The following PICALM variants were observed in gnomAD, a reference collection of about 807,000 sequenced individuals.
PICALM encodes phosphatidylinositol binding clathrin assembly protein, also known as phosphatidylinositol-binding clathrin assembly protein.
A neutral mutation model predicts 80.5 loss-of-function variants in PICALM; 40 were observed. The ratio of observed to expected loss-of-function variants is 0.50; its 90% CI spans 0.39 to 0.65. The LOEUF is 0.65. Ranked by LOEUF, PICALM falls within the 30% of genes least tolerant of loss-of-function variation. The pLI, the probability that PICALM is intolerant of heterozygous loss-of-function variation, is 0.00. For missense variants in PICALM, 676 were observed against 778.9 expected, an observed-to-expected ratio of 0.87 and a Z score of 1.57; for synonymous variants, 288 against 260.3, an observed-to-expected ratio of 1.11 and a Z score of -1.02.
chr11:86,039,804 C>A (rs777866412), intron 1 of PICALM, among the ~76,000 whole-genome samples: 1 of 151,808 alleles, frequency 6.6e-6, no homozygotes, highest in Non-Finnish European at 1.5e-5. Context: ...GAGAGCGAGA[C>A]CATCCTGGCT....
chr11:86,037,651 A>G (rs1171315880), intron 1 of PICALM, among the ~76,000 whole-genome samples: 1 of 151,676 alleles, frequency 6.6e-6, no homozygotes, highest in African/African-American at 2.4e-5. Flanking sequence ...GTGAACTGTG[A>G]TCACGACATT....
At chr11:86,000,506 T>C (rs748971055) in intron 11 of PICALM, 137 bp downstream of exon 11, 3 of 608,908 alleles carry the variant, frequency 4.9e-6, no homozygotes, top group Non-Finnish European at 8.5e-6. Context: ...TATACCAATA[T>C]CACCATTTAT....
Position 85,981,885 on chromosome 11 carries a change from G to A in PICALM, c.1635C>T (p.Ala545=). The A allele has an allele frequency of 1.2e-6, 2 of 1,613,754 alleles. No homozygotes were observed. Among genetic ancestry groups the A allele is most frequent in the Non-Finnish European group, 1.7e-6 (2 of 1,179,668 alleles). The change falls in exon 15 of 20, where the codon GCC becomes GCT. Residue 545 remains alanine (A), a synonymous_variant. Transcript: ENST00000393346. ...AAGACTACTTACTGCCCACAAGGTT[G>A]GCTAAAGATGAATCCAAGTCATCAG... is the stretch of plus-strand genomic sequence containing the variant. ...LVSDDLDSSL[A]NLVGNLGIGN...
At chr11:85,968,278 G>A (rs2093974726) in intron 19 of PICALM, among the ~76,000 whole-genome samples, 1 of 138,188 alleles carries the variant, frequency 7.2e-6, no homozygotes, top group Non-Finnish European at 1.6e-5. Flanking sequence ...GGGACAGAGT[G>A]AGACCCTGTC....
At chr11:86,010,880 A>G (rs570585774) in intron 7 of PICALM, 150 bp downstream of exon 7, 3 of 580,354 alleles carry the variant, frequency 5.2e-6, no homozygotes, top group African/African-American at 2.0e-5. Context: ...TATCATATTC[A>G]TATCTTGCCA....
intron 14 of PICALM, 74 bp downstream of exon 14, chr11:85,983,792 G>T: frequency 1.6e-6 from 1 of 639,812 alleles, no homozygotes; most frequent in Non-Finnish European, 2.7e-6. Flanking sequence ...CATTTTAAAA[G>T]CAGCATTATT....
At chr11:86,018,599 T>C (rs1054256722) in intron 4 of PICALM, among the ~76,000 whole-genome samples, 1 of 152,096 alleles carries the variant, frequency 6.6e-6, no homozygotes, top group African/African-American at 2.4e-5. Flanking sequence ...AAGAATGAGA[T>C]GGATTGAGGC....
intron 5 of PICALM, among the ~76,000 whole-genome samples, chr11:86,014,658 T>C (rs1407757665): frequency 1.3e-5 from 2 of 152,164 alleles, no homozygotes; most frequent in Non-Finnish European, 2.9e-5. Flanking sequence ...ATCTTAAAAT[T>C]CTAGAGCTAG....
At chr11:85,966,221 C>G (rs1013224619) in intron 19 of PICALM, among the ~76,000 whole-genome samples, 8 of 150,520 alleles carry the variant, frequency 5.3e-5, no homozygotes, top group East Asian at 4.0e-4. Context: ...TTTTTCCCCC[C>G]CCAAAGACAG....
chr11:85,992,904 C>A (rs1034654506), intron 12 of PICALM, among the ~76,000 whole-genome samples: 2 of 152,094 alleles, frequency 1.3e-5, no homozygotes, highest in African/African-American at 4.8e-5. Context: ...ATAATTAGAT[C>A]AATCAGATAA....
intron 18 of PICALM, 132 bp downstream of exon 18, chr11:85,976,491 G>C: frequency 1.7e-6 from 1 of 600,752 alleles, no homozygotes; most frequent in Non-Finnish European, 3.1e-6. Context: ...CAATGCTATG[G>C]TTCTACTGCA....
intron 11 of PICALM, among the ~76,000 whole-genome samples, chr11:85,999,382 C>T (rs1170646858): frequency 6.6e-6 from 1 of 152,154 alleles, no homozygotes; most frequent in Admixed American, 6.5e-5. Context: ...TGACATAAAA[C>T]ATAGTGAAAT....
At chr11:86,053,001 T>C (rs1309954588) in intron 1 of PICALM, among the ~76,000 whole-genome samples, 1 of 152,184 alleles carries the variant, frequency 6.6e-6, no homozygotes, top group African/African-American at 2.4e-5. Flanking sequence ...CCAGTTATCT[T>C]CCCTTATCAA....
At chr11:86,062,214 CA>C (rs2096378336) in intron 1 of PICALM, among the ~76,000 whole-genome samples, 1 of 152,122 alleles carries the variant, frequency 6.6e-6, no homozygotes, top group Admixed American at 6.5e-5. Context: ...ATAGAACATA[CA>C]AACAGCAAGA....
intron 9 of PICALM, among the ~76,000 whole-genome samples, chr11:86,001,630 C>T (rs1280739608): frequency 6.6e-6 from 1 of 152,232 alleles, no homozygotes; most frequent in African/African-American, 2.4e-5. Flanking sequence ...TATGTTTCAC[C>T]TATAACAACA....
At chr11:86,051,391 T>A (rs1364821345) in intron 1 of PICALM, among the ~76,000 whole-genome samples, 1 of 152,246 alleles carries the variant, frequency 6.6e-6, no homozygotes, top group East Asian at 1.9e-4. Flanking sequence ...GATAAAGTGG[T>A]GGCTCACTCC....
chr11:85,961,399 C>T (rs2093684099), intron 19 of PICALM, among the ~76,000 whole-genome samples: 2 of 152,234 alleles, frequency 1.3e-5, no homozygotes, highest in South Asian at 4.1e-4. Flanking sequence ...CACATACTGC[C>T]CTGAATATGG....
intron 7 of PICALM, 134 bp from the exon 8 acceptor site, chr11:86,007,717 C>A (rs2095307437): frequency 9.4e-6 from 3 of 318,762 alleles, no homozygotes; most frequent in Non-Finnish European, 1.7e-5. Context: ...TATTTAATCT[C>A]CAAAAATACT....
At chr11:86,044,133 G>C (rs532917188) in intron 1 of PICALM, among the ~76,000 whole-genome samples, 5 of 152,308 alleles carry the variant, frequency 3.3e-5, no homozygotes, top group African/African-American at 1.2e-4. Context: ...ATACTAATGG[G>C]AGGAATGTAA....
Sources: allele counts gnomAD v4.1 joint callset (sites outside exome capture counted in the v4.1 genomes callset), GRCh38; gene constraint gnomAD v4.1.1; transcripts MANE v1.5; gene names NCBI Gene and HGNC (gene_info 2026-07-23, HGNC 2026-07-21).